ARHGAP24: variants seen among roughly 807,000 people sequenced by gnomAD.
ARHGAP24 encodes the protein Rho GTPase activating protein 24.
In ARHGAP24, 50 loss-of-function variants were observed where a neutral mutation model predicts 76.4. That is an observed-to-expected ratio of 0.65 (90% CI 0.52 to 0.83). The LOEUF is 0.83. Among genes scored for constraint, ARHGAP24 ranks in the 40% least tolerant of loss-of-function variants. The pLI is 0.00. For missense variants in ARHGAP24, 930 were observed against 914.2 expected (o/e 1.02, Z -0.22); for synonymous variants, 345 against 323.3 (o/e 1.07, Z -0.72).
At chr4:85,534,560 TG>T (rs1465793866) in intron 1 of ARHGAP24, among the ~76,000 whole-genome samples, 1 of 151,914 alleles carries the variant, frequency 6.6e-6, no homozygotes, top group East Asian at 1.9e-4. Flanking sequence ...TTGGAGAAGA[TG>T]AAGTGGGGTG....
intron 3 of ARHGAP24, among the ~76,000 whole-genome samples, chr4:85,850,285 G>T (rs1310574614): frequency 6.6e-6 from 1 of 151,954 alleles, no homozygotes; most frequent in Admixed American, 6.6e-5. Context: ...CTGTGGGATC[G>T]CTGGTGATAT....
chr4:85,753,505 A>G (rs1726347783), intron 3 of ARHGAP24, among the ~76,000 whole-genome samples: 1 of 152,224 alleles, frequency 6.6e-6, no homozygotes, highest in Admixed American at 6.5e-5. Flanking sequence ...TCTTAATGTC[A>G]GGGTATCATC....
At chr4:85,934,921 G>A (rs1464664775) in intron 4 of ARHGAP24, among the ~76,000 whole-genome samples, 1 of 152,138 alleles carries the variant, frequency 6.6e-6, no homozygotes, top group African/African-American at 2.4e-5. Context: ...ACATATGCGT[G>A]CACATACACA....
chr4:85,696,889 G>A (rs1723886258), intron 2 of ARHGAP24, among the ~76,000 whole-genome samples: 1 of 152,148 alleles, frequency 6.6e-6, no homozygotes, highest in South Asian at 2.1e-4. Context: ...GTTGAGGATG[G>A]CCCTGTCTTG....
At chr4:85,481,539 T>C (rs894021988) in intron 1 of ARHGAP24, among the ~76,000 whole-genome samples, 2 of 152,156 alleles carry the variant, frequency 1.3e-5, no homozygotes, top group African/African-American at 4.8e-5. Flanking sequence ...CAAGGTTGGC[T>C]AGTGAGAAAA....
intron 3 of ARHGAP24, among the ~76,000 whole-genome samples, chr4:85,758,767 T>C (rs1219454919): frequency 3.3e-5 from 5 of 152,128 alleles, no homozygotes; most frequent in Non-Finnish European, 1.5e-5. Context: ...CAAATCTTCA[T>C]GCACCACACA....
intron 2 of ARHGAP24, among the ~76,000 whole-genome samples, chr4:85,662,596 C>G (rs1281787164): frequency 6.6e-6 from 1 of 151,700 alleles, no homozygotes; most frequent in Non-Finnish European, 1.5e-5. Flanking sequence ...CTTGCCCATG[C>G]CTATGTCCTG....
At chr4:85,608,258 A>C (rs369236191) in intron 2 of ARHGAP24, among the ~76,000 whole-genome samples, 2 of 152,306 alleles carry the variant, frequency 1.3e-5, no homozygotes, top group Admixed American at 1.3e-4. Flanking sequence ...TCAGACATAA[A>C]TACGGTATGC....
chr4:85,564,559 A>T (rs898798625), intron 1 of ARHGAP24, among the ~76,000 whole-genome samples: 1 of 151,948 alleles, frequency 6.6e-6, no homozygotes, highest in Non-Finnish European at 1.5e-5. Flanking sequence ...AAAAATTAAA[A>T]AAAAAAGATT....
At chr4:85,737,016 C>A (rs1358446023) in intron 3 of ARHGAP24, among the ~76,000 whole-genome samples, 1 of 152,004 alleles carries the variant, frequency 6.6e-6, no homozygotes, top group Non-Finnish European at 1.5e-5. Context: ...GTCATCTTTC[C>A]CCTAGTTGAT....
intron 1 of ARHGAP24, among the ~76,000 whole-genome samples, chr4:85,493,012 A>G (rs1723419653): frequency 1.3e-5 from 2 of 152,192 alleles, no homozygotes; most frequent in African/African-American, 2.4e-5. Flanking sequence ...TCTAGTGACC[A>G]GGTATTTTGG....
intron 3 of ARHGAP24, among the ~76,000 whole-genome samples, chr4:85,739,250 T>A (rs1219007110): frequency 1.3e-5 from 2 of 152,172 alleles, no homozygotes; most frequent in Non-Finnish European, 2.9e-5. Flanking sequence ...CCCAGAACCC[T>A]TCTATGCATT....
chr4:85,849,002 A>G (rs559865919), intron 3 of ARHGAP24, among the ~76,000 whole-genome samples: 21 of 151,270 alleles, frequency 1.4e-4, no homozygotes, highest in Admixed American at 1.1e-3. Context: ...TGGTAGCTTG[A>G]TGGGGATGGC....
intron 2 of ARHGAP24, among the ~76,000 whole-genome samples, chr4:85,718,833 G>A (rs1193616480): frequency 6.6e-6 from 1 of 152,062 alleles, no homozygotes; most frequent in Non-Finnish European, 1.5e-5. Flanking sequence ...ATACAAAAAG[G>A]ACAACAAAGG....
intron 3 of ARHGAP24, among the ~76,000 whole-genome samples, chr4:85,898,723 T>C (rs10017673): frequency 0.029 from 4,491 of 152,258 alleles, 207 homozygotes; most frequent in African/African-American, 0.1. Context: ...TAAGAATTAC[T>C]GGGATTTAAT....
At chr4:85,935,283 G>A (rs1219399365) in intron 4 of ARHGAP24, among the ~76,000 whole-genome samples, 1 of 152,170 alleles carries the variant, frequency 6.6e-6, no homozygotes, top group Non-Finnish European at 1.5e-5. Context: ...TAAACAAACA[G>A]GTTGTCTCAA....
chr4:85,961,773 C>T (rs1738269625), intron 5 of ARHGAP24, among the ~76,000 whole-genome samples: 1 of 151,968 alleles, frequency 6.6e-6, no homozygotes, highest in African/African-American at 2.4e-5. Context: ...AATATACACA[C>T]ACATATGCAC....
intron 3 of ARHGAP24, among the ~76,000 whole-genome samples, chr4:85,758,746 G>GA (rs1228851962): frequency 2.6e-5 from 4 of 152,172 alleles, no homozygotes; most frequent in Non-Finnish European, 4.4e-5. Context: ...AGACAAAAGA[G>GA]AAGAGTGGTT....
intron 5 of ARHGAP24, among the ~76,000 whole-genome samples, chr4:85,954,467 C>A (rs892374289): frequency 5.3e-5 from 8 of 152,212 alleles, no homozygotes; most frequent in African/African-American, 1.9e-4. Context: ...TGTCCTGATG[C>A]TACACCCCTC....
Sources: allele counts gnomAD v4.1 joint callset (sites outside exome capture counted in the v4.1 genomes callset), GRCh38; gene constraint gnomAD v4.1.1; transcripts MANE v1.5; gene names NCBI Gene and HGNC (gene_info 2026-07-23, HGNC 2026-07-21).